USF2: variants seen among roughly 807,000 people sequenced by gnomAD.
The protein encoded by USF2 is upstream transcription factor 2, c-fos interacting.
Under a neutral mutation model 46.9 loss-of-function variants are expected in USF2, and 16 were observed. The ratio of observed to expected loss-of-function variants is 0.34; its 90% CI spans 0.23 to 0.52. The LOEUF (loss-of-function observed/expected upper bound fraction) is 0.52, where lower values mean the gene tolerates loss of function less well. Among genes scored for constraint, USF2 ranks in the 20% least tolerant of loss-of-function variants. The probability of loss-of-function intolerance (pLI) is 0.96; values close to 1 mark genes in which losing one functional copy is unlikely to be tolerated. For missense variants in USF2, 411 were observed against 474.0 expected, an observed-to-expected ratio of 0.87 and a Z score of 1.23; for synonymous variants, 239 against 194.1, an observed-to-expected ratio of 1.23 and a Z score of -1.92.
At chr19:35,270,085 T>A in intron 4 of USF2, 82 bp downstream of exon 4, 2 of 1,305,436 alleles carry the variant, frequency 1.5e-6, no homozygotes, top group South Asian at 4.2e-5. Context: ...GCCCCGGGGG[T>A]GGGGCAGGTG....
In USF2 at chr19:35,271,073, C is replaced by A; in HGVS notation, c.669-10C>A. On this transcript the variant is annotated splice_polypyrimidine_tract_variant and intron_variant, in intron 6 of 9. Coordinates refer to ENST00000222305, the MANE Select transcript of USF2 (RefSeq NM_003367.4). ...AATACATGCCCCCTTTTTTTTTCCT[C>A]CTCTTGTAGAAAAATTGATGGAACC... 1 of 1,604,982 alleles carries A rather than the reference C, an allele frequency of 6.2e-7. No homozygotes were observed. Among genetic ancestry groups the A allele is most frequent in the Non-Finnish European group, 8.5e-7 (1 of 1,177,518 alleles).
intron 7 of USF2, among the ~76,000 whole-genome samples, chr19:35,274,506 G>T (rs1048873121): frequency 2.0e-5 from 3 of 152,220 alleles, no homozygotes; most frequent in Non-Finnish European, 4.4e-5. Flanking sequence ...AGGAAGGGGT[G>T]TGTGGCTGGG....
In USF2 at chr19:35,269,179, C is replaced by A; in HGVS notation, c.62+16C>A. On this transcript the variant is annotated intron_variant, in intron 1 of 9. Coordinates refer to ENST00000222305, the MANE Select transcript of USF2 (RefSeq NM_003367.4). ...CCGCCGCCAGGTAAGATCCCCGGCC[C>A]GGCCGTGCCCCCGCGCCCCGGCCCC... The A allele has an allele frequency of 5.0e-6, 5 of 1,001,980 alleles. No homozygotes were observed. Among genetic ancestry groups the A allele is most frequent in the Non-Finnish European group, 5.9e-6 (5 of 844,770 alleles). The allele number at this position is 1,001,980 out of a possible 1,614,324, so 62.1% of individuals were successfully genotyped here. A position where few individuals can be genotyped will look rare whatever the true frequency, so the allele number is the denominator to read the frequency against.
chr19:35,269,850 G>A lies in USF2; in HGVS notation c.276G>A (p.Gln92=). The A allele has an allele frequency of 7.0e-7, 1 of 1,436,718 alleles. No individual in the cohort carries two copies. The highest frequency in any genetic ancestry group is 9.1e-7 in the Non-Finnish European group (1 of 1,104,004). 89.0% of individuals were successfully genotyped at this position (1,436,718 alleles called of 1,614,324 possible). A position where few individuals can be genotyped will look rare whatever the true frequency, so the allele number is the denominator to read the frequency against. The change falls in exon 4 of 10, where the codon CAG becomes CAA. Residue 92 remains glutamine, a synonymous_variant. Transcript: ENST00000222305. ...VQVTDGQLDG[Q]GDTAGAVSVV... ...TGACTGATGGTCAGCTGGACGGCCA[G>A]GGCGACACAGCTGGCGCCGTCAGCG...
intron 7 of USF2, chr19:35,275,764 A>G (rs1230290767): frequency 6.6e-6 from 1 of 152,206 alleles, no homozygotes; most frequent in East Asian, 1.9e-4. Flanking sequence ...GTCAGAGAAC[A>G]TACTCTGTAT....
chr19:35,276,584 G>A (rs2066236609), intron 7 of USF2, among the ~76,000 whole-genome samples: 1 of 152,178 alleles, frequency 6.6e-6, no homozygotes, highest in Admixed American at 6.5e-5. Context: ...GAGCACACAA[G>A]GCCTTGACAA....
intron 8 of USF2, 60 bp downstream of exon 8, chr19:35,278,852 A>G (rs2066270682): frequency 6.2e-7 from 1 of 1,610,060 alleles, no homozygotes; most frequent in Non-Finnish European, 8.5e-7. Context: ...TTGCATGCAG[A>G]AAGTCCAACA....
At chr19:35,271,271 G>A in intron 7 of USF2, 130 bp downstream of exon 7, 1 of 1,045,714 alleles carries the variant, frequency 9.6e-7, no homozygotes, top group Non-Finnish European at 1.4e-6. Context: ...GGGCTTTGCT[G>A]GACGCTGTAA....
rs145273932 is a variant in USF2 at position 35,271,092 on chromosome 19, T to C, written c.678T>C (p.Asp226=). 73 of 1,613,574 alleles carry C rather than the reference T, an allele frequency of 4.5e-5. No homozygotes were observed. Among genetic ancestry groups the C allele is most frequent in the Non-Finnish European group, 5.9e-5 (70 of 1,179,906 alleles). Residue 226 remains aspartate (D), a synonymous_variant, in exon 7 of 10, where the codon GAT becomes GAC. Transcript: ENST00000222305. ...TTTCCTCCTCTTGTAGAAAAATTGA[T>C]GGAACCAGAACACCCCGAGATGAGA... The part of the protein sequence containing the change: ...PRTHPYSPKI[D]GTRTPRDERR...
chr19:35,279,523 C>G lies in USF2; in HGVS notation c.*267C>G. 2.2e-6 allele frequency: 1 copy of G among 445,382 alleles called. No individual in the cohort carries two copies. The highest frequency in any genetic ancestry group is 2.0e-5 in the African/African-American group (1 of 48,814). The allele number at this position is 445,382 out of a possible 1,614,324, so 27.6% of individuals were successfully genotyped here. On this transcript the variant is annotated 3_prime_UTR_variant, in exon 10 of 10. Coordinates refer to ENST00000222305, the MANE Select transcript of USF2 (RefSeq NM_003367.4). ...ACTAAGCCCCGGCACTTCTAGTGGT[C>G]TCACCTGGAGGCAAGAGGGAGGGGA...
At chr19:35,275,776 A>G (rs1407497207) in intron 7 of USF2, 1 of 152,038 alleles carries the variant, frequency 6.6e-6, no homozygotes, top group Non-Finnish European at 1.5e-5. Context: ...ACTCTGTATG[A>G]TTTCAGTTCC....
chr19:35,272,824 A>G (rs1164420336), intron 7 of USF2, among the ~76,000 whole-genome samples: 1 of 151,988 alleles, frequency 6.6e-6, no homozygotes, highest in Non-Finnish European at 1.5e-5. Flanking sequence ...TTGGAAGGGA[A>G]GGGGTGCATC....
intron 7 of USF2, among the ~76,000 whole-genome samples, chr19:35,272,947 C>T (rs988991039): frequency 1.3e-5 from 2 of 151,762 alleles, no homozygotes; most frequent in Non-Finnish European, 2.9e-5. Context: ...ACCTGTCTTC[C>T]CTCTGTGAAA....
At chr19:35,276,102 C>T (rs1488211127) in intron 7 of USF2, among the ~76,000 whole-genome samples, 8 of 129,488 alleles carry the variant, frequency 6.2e-5, no homozygotes, top group South Asian at 2.5e-4. Flanking sequence ...GACAGAGTCT[C>T]GCTCTGTCAC....
intron 7 of USF2, 64 bp downstream of exon 7, chr19:35,271,205 G>T: frequency 6.3e-7 from 1 of 1,595,932 alleles, no homozygotes; most frequent in Admixed American, 1.7e-5. Context: ...GCCAGCCCTG[G>T]AGTGTGGAGT....
chr19:35,279,141 C>T, intron 9 of USF2, 26 bp from the exon 10 acceptor site: 3 of 1,611,666 alleles, frequency 1.9e-6, no homozygotes, highest in Non-Finnish European at 2.5e-6. Context: ...GCCCTCAGCT[C>T]CCTTGACCTC....
At chr19:35,270,961 T>C in intron 6 of USF2, 122 bp from the exon 7 acceptor site, 3 of 1,453,216 alleles carry the variant, frequency 2.1e-6, no homozygotes, top group Non-Finnish European at 2.9e-6. Flanking sequence ...AAGTATCATG[T>C]CTTTTGTTTT....
intron 7 of USF2, among the ~76,000 whole-genome samples, chr19:35,273,471 A>G (rs940002730): frequency 9.9e-5 from 15 of 152,218 alleles, no homozygotes; most frequent in African/African-American, 3.4e-4. Flanking sequence ...AAGTGAGTAG[A>G]TGGGGGTGCC....
At chr19:35,272,894 G>A (rs1035477611) in intron 7 of USF2, among the ~76,000 whole-genome samples, 31 of 152,056 alleles carry the variant, frequency 2.0e-4, no homozygotes, top group Non-Finnish European at 8.8e-5. Context: ...CCAGCCCCAC[G>A]ACTTACCTGT....
Sources: gnomAD v4.1 joint callset for allele counts (sites outside exome capture counted in the v4.1 genomes callset) on GRCh38, gnomAD v4.1.1 for gene constraint, MANE v1.5 for transcripts, NCBI Gene and HGNC (gene_info 2026-07-23, HGNC 2026-07-21) for gene names.